Variants in IMMP2L observed in about 807,000 individuals in gnomAD.
IMMP2L encodes mitochondrial inner membrane protease subunit 2.
In IMMP2L, 18 loss-of-function variants were observed where a neutral mutation model predicts 19.3. The ratio of observed to expected loss-of-function variants is 0.93; its 90% CI spans 0.64 to 1.38. The LOEUF (loss-of-function observed/expected upper bound fraction) is 1.38. IMMP2L is among the 40% of genes most tolerant of loss of function. The pLI is 0.00. For missense variants in IMMP2L, 233 were observed against 218.2 expected, an observed-to-expected ratio of 1.07 and a Z score of -0.43; for synonymous variants, 76 against 73.0, an observed-to-expected ratio of 1.04 and a Z score of -0.21.
intron 3 of IMMP2L, among the ~76,000 whole-genome samples, chr7:111,143,945 T>C (rs1261460993): frequency 6.6e-6 from 1 of 151,982 alleles, no homozygotes; most frequent in Non-Finnish European, 1.5e-5. Flanking sequence ...CCCTTATTCA[T>C]TCATTACCCT....
chr7:111,320,114 A>G (rs979924176), intron 3 of IMMP2L, among the ~76,000 whole-genome samples: 2 of 152,088 alleles, frequency 1.3e-5, no homozygotes, highest in Admixed American at 6.6e-5. Context: ...GCCATAAGTC[A>G]AGTGAGGCTT....
intron 3 of IMMP2L, among the ~76,000 whole-genome samples, chr7:111,064,792 G>A (rs1794342517): frequency 1.3e-5 from 2 of 152,178 alleles, no homozygotes; most frequent in Non-Finnish European, 1.5e-5. Flanking sequence ...TTGGGTGATT[G>A]ACCCAGACTA....
intron 3 of IMMP2L, among the ~76,000 whole-genome samples, chr7:111,348,287 TA>T (rs529409303): frequency 7.3e-5 from 11 of 151,034 alleles, no homozygotes; most frequent in South Asian, 6.3e-4. Flanking sequence ...TAAAGTATAA[TA>T]AAAAAAAAGT....
At chr7:111,496,787 G>A (rs536159226) in intron 2 of IMMP2L, among the ~76,000 whole-genome samples, 2 of 152,136 alleles carry the variant, frequency 1.3e-5, no homozygotes, top group African/African-American at 2.4e-5. Flanking sequence ...GACTTGGACT[G>A]AGCCAAGCTA....
chr7:110,919,182 A>G (rs1365852426), intron 4 of IMMP2L, among the ~76,000 whole-genome samples: 12 of 147,884 alleles, frequency 8.1e-5, no homozygotes, highest in Admixed American at 7.4e-4. Flanking sequence ...TTTTCAGTAT[A>G]TTTACTTTCA....
chr7:110,676,709 A>T (rs567100492), intron 5 of IMMP2L, among the ~76,000 whole-genome samples: 4 of 152,306 alleles, frequency 2.6e-5, no homozygotes, highest in Middle Eastern at 3.4e-3. Flanking sequence ...CACTGATGAT[A>T]TACCACAATG....
At chr7:111,104,028 A>G (rs1214355642) in intron 3 of IMMP2L, among the ~76,000 whole-genome samples, 1 of 151,670 alleles carries the variant, frequency 6.6e-6, no homozygotes, top group Non-Finnish European at 1.5e-5. Flanking sequence ...TACTCCTGTA[A>G]TATGTGTGTG....
At chr7:110,991,277 A>G (rs16873249) in intron 3 of IMMP2L, among the ~76,000 whole-genome samples, 18,229 of 152,202 alleles carry the variant, frequency 0.12, 1,334 homozygotes, top group South Asian at 0.2. Context: ...GAAGGTCAAA[A>G]CAGGACTACG....
At position 110,782,293 on chromosome 7, in the gene IMMP2L, A is replaced by G. The variant is rs201783248; in HGVS notation, c.408+104300T>C. Among the ~76,000 whole-genome samples the G allele has an allele frequency of 2.0e-5, 3 of 151,984 alleles. No individual in the cohort carries two copies. In the East Asian group the frequency reaches 5.8e-4, roughly 29 times the overall value. ...AGACTATCAAAGTGAGACAATACAC[A>G]TGACTATTTTAAATTAAAAATAACA... On this transcript the variant is annotated intron_variant, in intron 5 of 5. Transcript: ENST00000405709.
intron 3 of IMMP2L, among the ~76,000 whole-genome samples, chr7:111,401,671 G>A (rs1010367145): frequency 6.6e-6 from 1 of 152,026 alleles, no homozygotes; most frequent in South Asian, 2.1e-4. Flanking sequence ...AAATATTCAC[G>A]AAGTCTGATT....
intron 4 of IMMP2L, among the ~76,000 whole-genome samples, chr7:110,959,163 A>G (rs565805854): frequency 6.6e-6 from 1 of 152,098 alleles, no homozygotes; most frequent in East Asian, 1.9e-4. Context: ...AGTCCTAAAA[A>G]ACAGGACTGT....
chr7:111,072,963 G>A (rs954228414), intron 3 of IMMP2L, among the ~76,000 whole-genome samples: 1 of 151,880 alleles, frequency 6.6e-6, no homozygotes, highest in African/African-American at 2.4e-5. Context: ...CATGATCCTG[G>A]ATTAGATCAT....
intron 5 of IMMP2L, among the ~76,000 whole-genome samples, chr7:110,825,828 T>C (rs945171707): frequency 6.6e-6 from 1 of 152,102 alleles, no homozygotes; most frequent in Admixed American, 6.6e-5. Flanking sequence ...AAAGCCAAAA[T>C]TGACGAATGG....
chr7:111,422,545 T>C (rs1835670796), intron 3 of IMMP2L, among the ~76,000 whole-genome samples: 1 of 151,828 alleles, frequency 6.6e-6, no homozygotes, highest in Non-Finnish European at 1.5e-5. Flanking sequence ...TAGAAATGCT[T>C]GTGATTTTTG....
Position 111,517,613 on chromosome 7 carries a change from A to G in IMMP2L, c.135+3700T>C, listed in dbSNP as rs1457089737. Among the ~76,000 whole-genome samples, 4 of 152,242 alleles carry G rather than the reference A, an allele frequency of 2.6e-5. No homozygotes were observed. The East Asian group carries it at 5.8e-4, about 22-fold the overall frequency. ...TCTAAAACTTTGGCATGAGGTCATT[A>G]AACTATTCCTAGGGCACCCTTTTAC... On this transcript the variant is annotated intron_variant, in intron 2 of 5. Transcript: ENST00000405709.
chr7:111,322,715 T>C (rs1252595085), intron 3 of IMMP2L, among the ~76,000 whole-genome samples: 1 of 151,676 alleles, frequency 6.6e-6, no homozygotes, highest in African/African-American at 2.4e-5. Context: ...CTACTAATAA[T>C]GAATAATAAT....
chr7:110,975,744 G>C (rs557729274), intron 3 of IMMP2L, among the ~76,000 whole-genome samples: 1 of 152,058 alleles, frequency 6.6e-6, no homozygotes, highest in East Asian at 1.9e-4. Flanking sequence ...TGAGTCAAGA[G>C]ACACACTAGC....
At chr7:111,134,688 A>G (rs942501779) in intron 3 of IMMP2L, among the ~76,000 whole-genome samples, 6 of 152,112 alleles carry the variant, frequency 3.9e-5, no homozygotes, top group African/African-American at 1.4e-4. Flanking sequence ...CAATTCTTCA[A>G]TAATGTTTTG....
chr7:110,718,993 A>G (rs891506166), intron 5 of IMMP2L, among the ~76,000 whole-genome samples: 3 of 152,202 alleles, frequency 2.0e-5, no homozygotes, highest in African/African-American at 7.2e-5. Flanking sequence ...CTAGACATGC[A>G]TGTAACCCCC....
Sources: allele counts gnomAD v4.1 joint callset (sites outside exome capture counted in the v4.1 genomes callset), GRCh38; gene constraint gnomAD v4.1.1; transcripts MANE v1.5; gene names NCBI Gene and HGNC (gene_info 2026-07-23, HGNC 2026-07-21).